Variants in FMN2 observed in about 807,000 individuals in gnomAD.
FMN2 encodes formin-2.
Under a neutral mutation model 142.3 loss-of-function variants are expected in FMN2, and 51 were observed. The observed-to-expected ratio is 0.36, with a 90% CI of 0.29 to 0.45. FMN2 has a LOEUF of 0.45. Ranked by LOEUF, FMN2 falls within the 20% of genes least tolerant of loss-of-function variation. The probability of loss-of-function intolerance (pLI) is 1.00; values close to 1 mark genes in which losing one functional copy is unlikely to be tolerated. For synonymous variants in FMN2, 882 were observed against 869.8 expected, an observed-to-expected ratio of 1.01 and a Z score of -0.25; for missense variants, 1,936 against 2,122.8, an observed-to-expected ratio of 0.91 and a Z score of 1.73.
At chr1:240,157,065 A>C (rs1664054270) in intron 2 of FMN2, among the ~76,000 whole-genome samples, 1 of 152,216 alleles carries the variant, frequency 6.6e-6, no homozygotes, top group African/African-American at 2.4e-5. Flanking sequence ...ATTTCTTAGC[A>C]ATAAAAGGCA....
In FMN2 at chr1:240,257,463, C is replaced by T. The variant is rs535811448; in HGVS notation, c.4066-482C>T. ...AAAGCACTTTTTTAAAAAAATTTTT[C>T]ATGACACAACCAAACTAATCTAGCA... On this transcript the variant is annotated intron_variant, in intron 6 of 17. Coordinates refer to ENST00000319653, the MANE Select transcript of FMN2 (RefSeq NM_020066.5). 4.6e-5 allele frequency among the ~76,000 whole-genome samples: 7 copies of T among 152,280 alleles called. No homozygotes were observed. In the South Asian group the frequency reaches 1.0e-3, roughly 23 times the overall value.
rs148963860 is a variant in FMN2, at chr1:240,207,018, C to G, written c.2206C>G (p.His736Asp). The G allele has an allele frequency of 1.9e-5, 30 of 1,614,032 alleles. No homozygotes were observed. In the Middle Eastern group the frequency reaches 8.2e-4, roughly 44 times the overall value. Residue 736 changes from histidine (H) to aspartate (D), a missense_variant, in exon 5 of 18, where the codon CAT (histidine) becomes GAT (aspartate). Transcript: ENST00000319653. ...LRLEEKEVRH[H>D]RILEAKSIQT... ...GTTAGAAGAAAAGGAAGTACGGCAT[C>G]ATAGGATTTTAGAGGCGAAATCGAT...
chr1:240,348,599 A>C (rs1341402480), intron 13 of FMN2, among the ~76,000 whole-genome samples: 1 of 151,848 alleles, frequency 6.6e-6, no homozygotes, highest in Non-Finnish European at 1.5e-5. Context: ...ACTTTTCAAA[A>C]TGACTTAGGT....
chr1:240,207,077 G>C lies in FMN2; in HGVS notation c.2265G>C (p.Leu755=), dbSNP rs1187270126. 1 of 1,614,100 alleles carries C rather than the reference G, an allele frequency of 6.2e-7. No homozygotes were observed. Among genetic ancestry groups the C allele is most frequent in the Non-Finnish European group, 8.5e-7 (1 of 1,179,994 alleles). The change falls in exon 5 of 18, where the codon CTG becomes CTC. Residue 755 remains leucine (L), a synonymous_variant. Transcript: ENST00000319653. The stretch of plus-strand genomic sequence containing the variant: ...CCCCCACGGAAGAGGGCGGGGTGCT[G>C]ACACTGCCTCCTGTGGATGGGCTGC... ...QTSPTEEGGV[L]TLPPVDGLPG...
chr1:240,268,098 AAC>A (rs1033442042), intron 7 of FMN2, among the ~76,000 whole-genome samples: 3 of 152,038 alleles, frequency 2.0e-5, no homozygotes, highest in African/African-American at 7.2e-5. Context: ...AAAAACGTAA[AAC>A]ACAACTCTCA....
intron 16 of FMN2, among the ~76,000 whole-genome samples, chr1:240,471,365 C>CTTT (rs201223518): frequency 2.1e-5 from 3 of 143,228 alleles, no homozygotes; most frequent in Non-Finnish European, 3.0e-5. Context: ...TGTAAATTTT[C>CTTT]TTTTTTTTTT....
chr1:240,160,317 C>A (rs1664227108), intron 2 of FMN2, among the ~76,000 whole-genome samples: 1 of 151,276 alleles, frequency 6.6e-6, no homozygotes, highest in Non-Finnish European at 1.5e-5. Context: ...CAAATTTAAT[C>A]CAGCAATGTA....
chr1:240,301,628 A>T (rs1572171583), intron 8 of FMN2, among the ~76,000 whole-genome samples: 1 of 151,928 alleles, frequency 6.6e-6, no homozygotes, highest in East Asian at 1.9e-4. Context: ...AGGACATTTT[A>T]AAATTGGATA....
intron 6 of FMN2, among the ~76,000 whole-genome samples, chr1:240,228,333 GA>G (rs1176161325): frequency 1.2e-4 from 6 of 49,126 alleles, no homozygotes; most frequent in African/African-American, 4.0e-4. Flanking sequence ...AAAAAAAAAA[GA>G]AAAAGAAAAA....
intron 8 of FMN2, among the ~76,000 whole-genome samples, chr1:240,313,775 C>G (rs1670670959): frequency 6.6e-6 from 1 of 152,056 alleles, no homozygotes; most frequent in Non-Finnish European, 1.5e-5. Flanking sequence ...CGAAACCAGC[C>G]TGGCCAACCT....
chr1:240,242,798 G>T (rs1370824083), intron 6 of FMN2, among the ~76,000 whole-genome samples: 1 of 152,144 alleles, frequency 6.6e-6, no homozygotes, highest in East Asian at 1.9e-4. Context: ...GGCACATCTG[G>T]GACCAAGTTC....
At chr1:240,385,305 G>A (rs1352517115) in intron 14 of FMN2, among the ~76,000 whole-genome samples, 1 of 152,140 alleles carries the variant, frequency 6.6e-6, no homozygotes, top group African/African-American at 2.4e-5. Flanking sequence ...GGCTCAACGA[G>A]GTTTTCGTTT....
At chr1:240,259,487 C>CTT (rs35655150) in intron 7 of FMN2, among the ~76,000 whole-genome samples, 5,443 of 134,204 alleles carry the variant, frequency 0.041, 325 homozygotes, top group African/African-American at 0.12. Context: ...ACCCTGTACA[C>CTT]TTTTTTTTTT....
chr1:240,221,658 C>G (rs1028584565), intron 6 of FMN2, among the ~76,000 whole-genome samples: 1 of 151,932 alleles, frequency 6.6e-6, no homozygotes, highest in Non-Finnish European at 1.5e-5. Context: ...GGATAGATTG[C>G]AAAAATTTTC....
chr1:240,401,772 A>G (rs78207799), intron 15 of FMN2, among the ~76,000 whole-genome samples: 4,432 of 152,304 alleles, frequency 0.029, 225 homozygotes, highest in African/African-American at 0.1. Context: ...TTGGCATTCC[A>G]TATGCTCACC....
At chr1:240,395,174 A>C (rs867739942) in intron 15 of FMN2, among the ~76,000 whole-genome samples, 3 of 152,290 alleles carry the variant, frequency 2.0e-5, no homozygotes, top group Middle Eastern at 3.4e-3. Flanking sequence ...ACATCTGTTT[A>C]CAGCATAGCT....
intron 15 of FMN2, among the ~76,000 whole-genome samples, chr1:240,437,155 A>G (rs28766577): frequency 6.6e-6 from 1 of 152,176 alleles, no homozygotes; most frequent in Admixed American, 6.6e-5. Flanking sequence ...TATAGCTGTA[A>G]TATGAAGCAG....
At chr1:240,339,144 C>T (rs1488027817) in intron 13 of FMN2, among the ~76,000 whole-genome samples, 1 of 152,122 alleles carries the variant, frequency 6.6e-6, no homozygotes, top group African/African-American at 2.4e-5. Flanking sequence ...TGCTGGGTGT[C>T]CCGGCTCCTA....
Position 240,208,719 on chromosome 1 carries a change from C to A in FMN2, c.3907C>A (p.Leu1303Ile). The A allele has an allele frequency of 6.2e-7, 1 of 1,609,800 alleles. No individual in the cohort carries two copies. Among genetic ancestry groups the A allele is most frequent in the Non-Finnish European group, 8.5e-7 (1 of 1,176,794 alleles). ...MKPLYWTRIQ[L>I]HSKRDSSTSL... ...GCCTCTTTACTGGACCAGGATTCAA[C>A]TACATAGTAAAAGGTAACATGAAAG... is the stretch of plus-strand genomic sequence containing the variant. Residue 1303 changes from leucine (L) to isoleucine (I), a missense_variant, in exon 5 of 18, where the codon CTA becomes ATA. By Grantham distance (5) the Leu-to-Ile change is conservative. This residue lies in a region of FMN2 where 259 missense variants were observed against 230.9 expected (regional missense o/e 1.12). Transcript: ENST00000319653.
Sources: gnomAD v4.1 joint callset for allele counts (sites outside exome capture counted in the v4.1 genomes callset) on GRCh38, gnomAD v4.1.1 for gene constraint, gnomAD v4.1.1 regional missense constraint, MANE v1.5 for transcripts, NCBI Gene and HGNC (gene_info 2026-07-23, HGNC 2026-07-21) for gene names.